Variants in SLC8A2 observed in about 807,000 individuals in gnomAD.
SLC8A2 encodes the protein sodium/calcium exchanger 2.
In SLC8A2, 14 loss-of-function variants were observed where a neutral mutation model predicts 70.2. That is an observed-to-expected ratio of 0.20 (90% CI 0.13 to 0.31). SLC8A2 has a LOEUF of 0.31. Ranked by LOEUF, SLC8A2 falls within the 10% of genes least tolerant of loss-of-function variation. The pLI is 1.00. For synonymous variants in SLC8A2, 575 were observed against 594.3 expected, an observed-to-expected ratio of 0.97 and a Z score of 0.47; for missense variants, 779 against 1,320.1, an observed-to-expected ratio of 0.59 and a Z score of 6.35.
rs151327151 is a variant in SLC8A2 at position 47,457,268 on chromosome 19, C to T, written c.1002G>A (p.Leu334=). 9.1e-4 allele frequency: 1,412 copies of T among 1,547,088 alleles called. 3 individuals are homozygous for T. Among genetic ancestry groups the T allele is most frequent in the South Asian group, 2.3e-3 (192 of 83,558 alleles). ...QKHPDKDLEQ[L]VGIANYYALL... The stretch of plus-strand genomic sequence containing the variant: ...GCGCGTAGTAGTTGGCGATGCCCAC[C>T]AGCTGCTCCAGATCCTTGTCCGGGT... The change falls in exon 3 of 10, where the codon CTG becomes CTA. Residue 334 remains leucine (L), a synonymous_variant. Transcript: ENST00000236877.
rs1185501094 is a variant in SLC8A2 at position 47,447,708 on chromosome 19, A to G, written c.1763+101T>C. ...CCCGAGGCCCAACCAAGACCCGCCC[A>G]CTATGTGGGCATGGCTCACCCAGGC... On this transcript the variant is annotated intron_variant, in intron 4 of 9. Coordinates refer to ENST00000236877, the MANE Select transcript of SLC8A2 (RefSeq NM_015063.3). The surrounding 1 kb of genome is among the most constrained non-coding windows in gnomAD (Gnocchi z 5.1). 1.6e-6 allele frequency: 2 copies of G among 1,239,410 alleles called. No individual in the cohort carries two copies. Among genetic ancestry groups the G allele is most frequent in the African/African-American group, 3.3e-5 (2 of 59,960 alleles). The allele number at this position is 1,239,410 out of a possible 1,614,324, so 76.8% of individuals were successfully genotyped here. A position where few individuals can be genotyped will look rare whatever the true frequency, so the allele number is the denominator to read the frequency against.
intron 1 of SLC8A2, among the ~76,000 whole-genome samples, chr19:47,469,254 A>G (rs1184013894): frequency 6.6e-6 from 1 of 152,106 alleles, no homozygotes; most frequent in African/African-American, 2.4e-5. Context: ...CAGCCCCCTA[A>G]TTAGCAACAA....
At chr19:47,445,792 T>C (rs1353417965) in intron 4 of SLC8A2, among the ~76,000 whole-genome samples, 2 of 151,994 alleles carry the variant, frequency 1.3e-5, no homozygotes, top group African/African-American at 4.8e-5. Context: ...GGTTGGACTA[T>C]AAGAAGGACC....
chr19:47,444,812 T>C (rs1407836222), intron 4 of SLC8A2, among the ~76,000 whole-genome samples: 2 of 152,052 alleles, frequency 1.3e-5, no homozygotes, highest in African/African-American at 4.8e-5. Context: ...AGGAAGCAGA[T>C]TTCCTCCCCA....
rs1193272614 is a variant in SLC8A2 at position 47,459,580 on chromosome 19, G to A, written c.676-1986C>T. Reference sequence around the variant, plus strand: ...TGTGCATGTGTATATGTGTATGTGCGTGTGTGTGTCCTGTGTGTGCGTGCT... The same window carrying A: ...TGTGCATGTGTATATGTGTATGTGCATGTGTGTGTCCTGTGTGTGCGTGCT... On this transcript the variant is annotated intron_variant, in intron 2 of 9. Coordinates refer to ENST00000236877, the MANE Select transcript of SLC8A2 (RefSeq NM_015063.3). Among the ~76,000 whole-genome samples the A allele has an allele frequency of 7.3e-5, 11 of 151,116 alleles. No individual in the cohort carries two copies. The East Asian group carries it at 1.2e-3, about 16-fold the overall frequency.
At chr19:47,457,745 C>CT (rs138621003) in intron 2 of SLC8A2, 151 bp from the exon 3 acceptor site, 19 of 410,642 alleles carry the variant, frequency 4.6e-5, no homozygotes, top group Admixed American at 9.1e-5. Flanking sequence ...CTTTCTGTTT[C>CT]TTTTCTTTCT....
rs548648187 is a variant in SLC8A2, at chr19:47,441,127, G to C, written c.1885+42C>G. On this transcript the variant is annotated intron_variant, in intron 6 of 9. Coordinates refer to ENST00000236877, the MANE Select transcript of SLC8A2 (RefSeq NM_015063.3). ...GGACCCTCCCCCAGGCCCTCTTCCA[G>C]TGGCTCCTCCCCACTCAGAGCCCAG... 9 of 1,600,208 alleles carry C rather than the reference G, an allele frequency of 5.6e-6. No homozygotes were observed. In the South Asian group the frequency reaches 8.8e-5, roughly 16 times the overall value.
rs1007242521 is a variant in SLC8A2, at chr19:47,466,711, G to C, written c.-16-292C>G. Among the ~76,000 whole-genome samples, 5 of 152,168 alleles carry C rather than the reference G, an allele frequency of 3.3e-5. No homozygotes were observed. Among genetic ancestry groups the C allele is most frequent in the African/African-American group, 1.2e-4 (5 of 41,434 alleles). ...ACACCACGTATCATGCAATTCAGCA[G>C]TTTTGTTCCTCGGTATGTGCCTGAG... On this transcript the variant is annotated intron_variant, in intron 1 of 9. Coordinates refer to ENST00000236877, the MANE Select transcript of SLC8A2 (RefSeq NM_015063.3). This position sits in a 1 kb window ranked among gnomAD's most constrained non-coding sequence, Gnocchi z 6.9.
In SLC8A2 at chr19:47,466,445, G is replaced by C. The variant is rs1021998413; in HGVS notation, c.-16-26C>G. On this transcript the variant is annotated intron_variant, in intron 1 of 9. Transcript: ENST00000236877. This position sits in a 1 kb window ranked among gnomAD's most constrained non-coding sequence, Gnocchi z 6.9. ...CTATGGGGGAGGAGGAGGAGGTCTG[G>C]GTGAGGGAAGCAAACCTCTTTCTGT... The C allele has an allele frequency of 1.9e-5, 15 of 792,824 alleles. No individual in the cohort carries two copies. Among genetic ancestry groups the C allele is most frequent in the Non-Finnish European group, 2.9e-5 (15 of 513,246 alleles). 49.1% of individuals were successfully genotyped at this position (792,824 alleles called of 1,614,324 possible).
chr19:47,453,418 G>A (rs1967267947), intron 3 of SLC8A2, among the ~76,000 whole-genome samples: 1 of 152,218 alleles, frequency 6.6e-6, no homozygotes, highest in African/African-American at 2.4e-5. Flanking sequence ...AAGGAACAGG[G>A]TCCAGGGCTA....
chr19:47,441,411 T>C lies in SLC8A2; in HGVS notation c.1793A>G (p.Asp598Gly). The change falls in exon 5 of 10, where the codon GAC becomes GGC. Residue 598 changes from aspartate (D) to glycine (G), a missense_variant. By Grantham distance (94) the Asp-to-Gly change is moderately conservative. This residue lies in a region of SLC8A2 where 247 missense variants were observed against 362.8 expected (regional missense o/e 0.68). Coordinates refer to ENST00000236877, the MANE Select transcript of SLC8A2 (RefSeq NM_015063.3). ...MKTLQVKIVDDEEYEKKDNFF... is the reference protein window; with the variant it reads ...MKTLQVKIVDGEEYEKKDNFF... ...ATTATCCTTTTTCTCATATTCCTCG[T>C]CATCAACTATCTTCACCTGAAGAGT... 1 of 1,613,414 alleles carries C rather than the reference T, an allele frequency of 6.2e-7. No homozygotes were observed. The highest frequency in any genetic ancestry group is 8.5e-7 in the Non-Finnish European group (1 of 1,179,452).
Position 47,448,293 on chromosome 19 carries a change from CG to C in SLC8A2, c.1341-63del. 1.5e-6 allele frequency: 2 copies of C among 1,310,456 alleles called. No individual in the cohort carries two copies. Among genetic ancestry groups the C allele is most frequent in the Non-Finnish European group, 2.1e-6 (2 of 946,840 alleles). 81.2% of individuals were successfully genotyped at this position (1,310,456 alleles called of 1,614,324 possible). ...GGTCGGTCATCGGCTGTGTGTTGTACGGGGGGAGTCTGGACGTGCTTCCCAG... is the reference window on the plus strand; with the variant it reads ...GGTCGGTCATCGGCTGTGTGTTGTACGGGGGAGTCTGGACGTGCTTCCCAG... On this transcript the variant is annotated intron_variant, in intron 3 of 9. Transcript: ENST00000236877. The surrounding 1 kb of genome is among the most constrained non-coding windows in gnomAD (Gnocchi z 4.8).
chr19:47,459,547 T>G (rs571805975), intron 2 of SLC8A2, among the ~76,000 whole-genome samples: 1 of 152,222 alleles, frequency 6.6e-6, no homozygotes, highest in East Asian at 1.9e-4. Context: ...TGCGCATGTG[T>G]GAGCGTATGT....
At position 47,462,002 on chromosome 19, in the gene SLC8A2, T is replaced by C. The variant is rs75739471; in HGVS notation, c.675+3727A>G. 1.2e-3 allele frequency among the ~76,000 whole-genome samples: 184 copies of C among 152,298 alleles called. 6 individuals are homozygous for C. The East Asian group carries it at 0.025, about 20-fold the overall frequency. ...ATCACTAGGGAGGGGGACATGGTCTTGGCCTTTCCTGGCCTGATGACATCC... is the reference window on the plus strand; with the variant it reads ...ATCACTAGGGAGGGGGACATGGTCTCGGCCTTTCCTGGCCTGATGACATCC... On this transcript the variant is annotated intron_variant, in intron 2 of 9. Coordinates refer to ENST00000236877, the MANE Select transcript of SLC8A2 (RefSeq NM_015063.3).
At chr19:47,453,854 G>A (rs1967273224) in intron 3 of SLC8A2, among the ~76,000 whole-genome samples, 1 of 152,220 alleles carries the variant, frequency 6.6e-6, no homozygotes, top group Admixed American at 6.5e-5. Context: ...GAGCTTGGGA[G>A]GCGGAGGCTG....
In SLC8A2 at chr19:47,449,447, G is replaced by A. The variant is rs1599852224; in HGVS notation, c.1341-1216C>T. On this transcript the variant is annotated intron_variant, in intron 3 of 9. Transcript: ENST00000236877. ...AGGGATTCTCCCACCTCAGCCTCCC[G>A]AGCAGCTGGGACTACAGGCGCCTGC... 2.0e-5 allele frequency among the ~76,000 whole-genome samples: 3 copies of A among 152,082 alleles called. No individual in the cohort carries two copies. The East Asian group carries it at 5.8e-4, about 29-fold the overall frequency.
At chr19:47,455,302 G>A (rs915586285) in intron 3 of SLC8A2, among the ~76,000 whole-genome samples, 21 of 152,186 alleles carry the variant, frequency 1.4e-4, no homozygotes, top group Admixed American at 1.4e-3. Flanking sequence ...AAAGGGGGAT[G>A]TGTCAGGCTA....
chr19:47,467,836 C>CAAAAAAAA lies in SLC8A2; in HGVS notation c.-16-1425_-16-1418dup, dbSNP rs35745146. The stretch of plus-strand genomic sequence containing the variant: ...TGAAACCCTGTCTCTTCTAAAAATA[C>CAAAAAAAA]AAAAAAAAAAAAAAAAAAAAAAAAG... On this transcript the variant is annotated intron_variant, in intron 1 of 9. Coordinates refer to ENST00000236877, the MANE Select transcript of SLC8A2 (RefSeq NM_015063.3). Among the ~76,000 whole-genome samples the CAAAAAAAA allele has an allele frequency of 2.4e-3, 91 of 38,370 alleles. 1 individual carries two copies. The highest frequency in any genetic ancestry group is 4.1e-3 in the East Asian group (3 of 736). The allele number at this position is 38,370 out of a possible 152,430, so 25.2% of individuals were successfully genotyped here. A position where few individuals can be genotyped will look rare whatever the true frequency, so the allele number is the denominator to read the frequency against.
intron 8 of SLC8A2, among the ~76,000 whole-genome samples, chr19:47,433,568 T>C (rs1966989511): frequency 6.6e-6 from 1 of 152,168 alleles, no homozygotes; most frequent in African/African-American, 2.4e-5. Flanking sequence ...ACAGATGTGT[T>C]TTCTGAGCTT....
Sources: gnomAD v4.1 joint callset for allele counts (sites outside exome capture counted in the v4.1 genomes callset) on GRCh38, gnomAD v4.1.1 for gene constraint, gnomAD v4.1.1 regional missense constraint, Gnocchi (gnomAD v3.1) non-coding constraint, MANE v1.5 for transcripts, NCBI Gene and HGNC (gene_info 2026-07-23, HGNC 2026-07-21) for gene names.